DACH2: variants seen among roughly 807,000 people sequenced by gnomAD.
DACH2 encodes the protein dachshund homolog 2.
DACH2 carries 17 observed loss-of-function variants against 35.8 expected under a neutral mutation model. The observed-to-expected ratio is 0.48, with a 90% confidence interval of 0.33 to 0.71. DACH2 has a LOEUF of 0.71. Ranked by LOEUF, DACH2 falls within the 30% of genes least tolerant of loss-of-function variation. The pLI is 0.02. For synonymous variants in DACH2, 195 were observed against 177.3 expected (o/e 1.10, Z -0.79); for missense variants, 469 against 472.7 (o/e 0.99, Z 0.07).
At chrX:86,651,290 G>C in intron 4 of DACH2, 123 bp downstream of exon 4, 1 of 677,655 alleles carries the variant, frequency 1.5e-6, no homozygotes, top group East Asian at 4.0e-5. Flanking sequence ...ATACTCAAGA[G>C]GGATGATTAG....
intron 1 of DACH2, among the ~76,000 whole-genome samples, chrX:86,194,752 C>T (rs374882594): frequency 8.9e-6 from 1 of 112,511 alleles, no homozygotes; most frequent in East Asian, 2.8e-4. Context: ...GCAGGAGTGT[C>T]TGTAACAAAG....
chrX:86,730,208 A>T (rs1346496822), intron 6 of DACH2, among the ~76,000 whole-genome samples: 1 of 111,276 alleles, frequency 9.0e-6, no homozygotes, highest in Non-Finnish European at 1.9e-5. Context: ...GAATAATAGG[A>T]TTATATGATG....
intron 1 of DACH2, chrX:86,263,135 C>A: frequency 3.2e-6 from 1 of 311,426 alleles, no homozygotes; most frequent in Non-Finnish European, 4.3e-6. Context: ...ATAAAAGAAC[C>A]ATGTCAAAAG....
At position 86,232,742 on chromosome X, in the gene DACH2, G is replaced by A. The variant is rs749231966; in HGVS notation, c.488+83634G>A. 3.6e-5 allele frequency among the ~76,000 whole-genome samples: 4 copies of A among 112,225 alleles called. No individual in the cohort carries two copies. The East Asian group carries it at 1.1e-3, about 32-fold the overall frequency. On this transcript the variant is annotated intron_variant, in intron 1 of 11. Coordinates refer to ENST00000373125, the MANE Select transcript of DACH2 (RefSeq NM_053281.3). ...AAGGGAATGCTTATACGCTGTTGGT[G>A]GGAATCTAAATGAGTTCAAGTATTG...
chrX:86,475,553 G>A (rs755778432), intron 2 of DACH2, among the ~76,000 whole-genome samples: 1 of 112,015 alleles, frequency 8.9e-6, no homozygotes, highest in African/African-American at 3.2e-5. Context: ...GCAACTACTG[G>A]ATTTGTTTAT....
At chrX:86,431,126 T>C (rs1196764040) in intron 2 of DACH2, among the ~76,000 whole-genome samples, 1 of 111,666 alleles carries the variant, frequency 9.0e-6, no homozygotes, top group Non-Finnish European at 1.9e-5. Flanking sequence ...GTAGTGATTT[T>C]TTTATGGGTT....
At chrX:86,208,985 A>T in intron 1 of DACH2, among the ~76,000 whole-genome samples, 1 of 111,544 alleles carries the variant, frequency 9.0e-6, no homozygotes, top group Middle Eastern at 4.6e-3. Context: ...ACTGTTCATG[A>T]TTATGTCTGC....
chrX:86,828,886 C>T (rs2042586335), intron 11 of DACH2: 1 of 111,334 alleles, frequency 9.0e-6, no homozygotes, highest in Non-Finnish European at 1.9e-5. Flanking sequence ...CCTAAAGTGC[C>T]CTCCTTATAT....
intron 1 of DACH2, among the ~76,000 whole-genome samples, chrX:86,276,728 G>A (rs1012178957): frequency 3.6e-5 from 4 of 111,915 alleles, no homozygotes; most frequent in African/African-American, 9.8e-5. Context: ...TAGAGATCTG[G>A]TTTCATTCTT....
chrX:86,627,342 G>C (rs2040150043), intron 3 of DACH2, among the ~76,000 whole-genome samples: 2 of 111,305 alleles, frequency 1.8e-5, no homozygotes, highest in South Asian at 7.5e-4. Flanking sequence ...CCTTAGCCTA[G>C]GTTTTATTGT....
intron 1 of DACH2, among the ~76,000 whole-genome samples, chrX:86,340,428 T>C (rs1036410146): frequency 3.6e-5 from 4 of 111,489 alleles, no homozygotes; most frequent in African/African-American, 1.3e-4. Context: ...AATGGCAAAC[T>C]TAATCGCTAA....
At chrX:86,268,082 T>C (rs2033743122) in intron 1 of DACH2, among the ~76,000 whole-genome samples, 1 of 112,056 alleles carries the variant, frequency 8.9e-6, no homozygotes, top group Non-Finnish European at 1.9e-5. Flanking sequence ...CTAGAAAACC[T>C]AAGCAAAAAA....
intron 3 of DACH2, among the ~76,000 whole-genome samples, chrX:86,629,996 T>C (rs1345316680): frequency 8.9e-6 from 1 of 112,043 alleles, no homozygotes; most frequent in East Asian, 2.8e-4. Flanking sequence ...CTGATATCAA[T>C]ATACAGCTTA....
intron 1 of DACH2, among the ~76,000 whole-genome samples, chrX:86,372,584 C>T (rs1296597048): frequency 9.0e-6 from 1 of 110,840 alleles, no homozygotes; most frequent in Non-Finnish European, 1.9e-5. Context: ...TAATCTACTT[C>T]ATCTAGTTGT....
At chrX:86,667,419 AAAG>A (rs1467003604) in intron 4 of DACH2, among the ~76,000 whole-genome samples, 1 of 92,593 alleles carries the variant, frequency 1.1e-5, no homozygotes, top group African/African-American at 3.8e-5. Context: ...AGAAAAAAAG[AAAG>A]AAGAAAGAAA....
intron 1 of DACH2, among the ~76,000 whole-genome samples, chrX:86,311,449 C>T (rs2034797695): frequency 9.0e-6 from 1 of 111,544 alleles, no homozygotes; most frequent in South Asian, 3.8e-4. Flanking sequence ...AACTAGGTGA[C>T]AATGCTCTGC....
At chrX:86,798,456 T>C (rs2042260081) in intron 7 of DACH2, 1 of 113,206 alleles carries the variant, frequency 8.8e-6, no homozygotes, top group Admixed American at 9.4e-5. Flanking sequence ...TAAAACATTG[T>C]ACTTTATATG....
intron 4 of DACH2, among the ~76,000 whole-genome samples, chrX:86,683,726 A>AGG (rs2040909462): frequency 9.0e-6 from 1 of 111,670 alleles, no homozygotes; most frequent in South Asian, 3.7e-4. Context: ...AAAAAACTTA[A>AGG]ATGATAACAG....
intron 1 of DACH2, among the ~76,000 whole-genome samples, chrX:86,177,854 C>T (rs2031354732): frequency 9.0e-6 from 1 of 110,557 alleles, no homozygotes; most frequent in African/African-American, 3.3e-5. Flanking sequence ...CTTTATCTAG[C>T]ATTGAAAAGC....
Sources: allele counts gnomAD v4.1 joint callset (sites outside exome capture counted in the v4.1 genomes callset), GRCh38; gene constraint gnomAD v4.1.1; transcripts MANE v1.5; gene names NCBI Gene and HGNC (gene_info 2026-07-23, HGNC 2026-07-21).